The following ZNF567 variants were observed in gnomAD, a reference collection of about 807,000 sequenced individuals.
The protein encoded by ZNF567 is zinc finger protein 567.
Under a neutral mutation model 53.9 loss-of-function variants are expected in ZNF567, and 36 were observed. The ratio of observed to expected loss-of-function variants is 0.67; its 90% CI spans 0.51 to 0.88. The LOEUF is 0.88. ZNF567 is among the 40% of genes least tolerant of loss of function. The pLI, the probability that ZNF567 is intolerant of heterozygous loss-of-function variation, is 0.00. For missense variants in ZNF567, 619 were observed against 764.7 expected, an observed-to-expected ratio of 0.81 and a Z score of 2.25; for synonymous variants, 224 against 260.4, an observed-to-expected ratio of 0.86 and a Z score of 1.35.
chr19:36,691,768 A>AGCTGGT (rs1372200179), intron 2 of ZNF567, among the ~76,000 whole-genome samples: 1 of 152,130 alleles, frequency 6.6e-6, no homozygotes, highest in Non-Finnish European at 1.5e-5. Context: ...GCAATTAGTA[A>AGCTGGT]ACTGTAGCTG....
upstream of ZNF567, among the ~76,000 whole-genome samples, chr19:36,683,332 A>G (rs974878187): frequency 1.3e-5 from 2 of 152,074 alleles, no homozygotes; most frequent in African/African-American, 2.4e-5. Context: ...TCAGCCTCCG[A>G]AAGTGCTGGG....
rs2145917174 is a variant in ZNF567 at position 36,719,549 on chromosome 19, C to T, written c.825C>T (p.His275=). The change falls in exon 6 of 6, where the codon CAC becomes CAT. Residue 275 remains histidine, a synonymous_variant. Transcript: ENST00000682579. ...KSVLILHQGI[H]SEEKPYQCHQ... is the part of the protein sequence containing the mutation. ...TATTGATTCTGCATCAGGGAATTCA[C>T]TCAGAAGAAAAACCCTATCAATGTC... 1.9e-6 allele frequency: 3 copies of T among 1,614,050 alleles called. No individual in the cohort carries two copies. The highest frequency in any genetic ancestry group is 1.1e-5 in the South Asian group (1 of 91,066).
At chr19:36,707,110 AT>A (rs2039536178) in intron 3 of ZNF567, among the ~76,000 whole-genome samples, 1 of 152,104 alleles carries the variant, frequency 6.6e-6, no homozygotes, top group Non-Finnish European at 1.5e-5. Context: ...ATATAGTTGA[AT>A]TTAAATATGC....
downstream of ZNF567, among the ~76,000 whole-genome samples, chr19:36,723,998 G>C (rs999030843): frequency 4.6e-5 from 6 of 131,714 alleles, no homozygotes; most frequent in African/African-American, 1.7e-4. Context: ...TGGCAATTCT[G>C]TATTTCTTTT....
intron 2 of ZNF567, among the ~76,000 whole-genome samples, chr19:36,689,992 A>G (rs1437262382): frequency 6.6e-6 from 1 of 152,226 alleles, no homozygotes; most frequent in African/African-American, 2.4e-5. Context: ...TTTACACTCA[A>G]CAGCTCTATA....
At chr19:36,726,313 A>G (rs1005708671), downstream of ZNF567, among the ~76,000 whole-genome samples, 3 of 152,180 alleles carry the variant, frequency 2.0e-5, no homozygotes, top group African/African-American at 4.8e-5. Context: ...CCTGGTTACA[A>G]TTATTGAATT....
intron 3 of ZNF567, chr19:36,711,100 C>G (rs2039761641): frequency 6.6e-6 from 1 of 152,228 alleles, no homozygotes; most frequent in South Asian, 2.1e-4. Context: ...GTGACACAGT[C>G]TCTCTCTGTC....
Position 36,689,505 on chromosome 19 carries a change from A to C in ZNF567, c.-67+8A>C, listed in dbSNP as rs1029703104. ...ATACCACTATAATTTAGTGTAAGTC[A>C]TCTCTTACCTTCCAAGAGAACCTGC... On this transcript the variant is annotated splice_region_variant and intron_variant, in intron 2 of 5. Transcript: ENST00000682579. 1 of 152,088 alleles carries C rather than the reference A, an allele frequency of 6.6e-6. No homozygotes were observed. The highest frequency in any genetic ancestry group is 2.1e-4 in the South Asian group (1 of 4,820). 9.4% of individuals were successfully genotyped at this position (152,088 alleles called of 1,614,324 possible).
chr19:36,710,658 A>G (rs914434127), intron 3 of ZNF567, among the ~76,000 whole-genome samples: 3 of 152,066 alleles, frequency 2.0e-5, no homozygotes, highest in African/African-American at 4.8e-5. Flanking sequence ...TCTTGTGTTC[A>G]TCTGCTTTTC....
the ZNF567 span, among the ~76,000 whole-genome samples, chr19:36,680,404 G>A: frequency 6.6e-6 from 1 of 152,116 alleles, no homozygotes; most frequent in Non-Finnish European, 1.5e-5. Flanking sequence ...TCTAATGGCT[G>A]TATTTTTTAA....
intron 5 of ZNF567, among the ~76,000 whole-genome samples, chr19:36,714,142 A>ATTTATTTACTTATT (rs1199910877): frequency 1.3e-5 from 2 of 151,862 alleles, no homozygotes; most frequent in Non-Finnish European, 2.9e-5. Flanking sequence ...AGGTTTATTT[A>ATTTATTTACTTATT]TTTATTTACT....
intron 5 of ZNF567, 148 bp downstream of exon 5, chr19:36,713,015 A>G: frequency 1.6e-6 from 1 of 631,198 alleles, no homozygotes; most frequent in South Asian, 2.3e-5. Context: ...AAAACTCAAA[A>G]CCAGACCTTT....
chr19:36,672,455 A>C, the ZNF567 span, among the ~76,000 whole-genome samples: 1 of 152,196 alleles, frequency 6.6e-6, no homozygotes, highest in Non-Finnish European at 1.5e-5. Context: ...CATTCTGTGG[A>C]TATCAGTCAG....
chr19:36,673,971 CTTCTA>C, the ZNF567 span, among the ~76,000 whole-genome samples: 2 of 152,204 alleles, frequency 1.3e-5, no homozygotes, highest in African/African-American at 4.8e-5. Flanking sequence ...AACTTGACAC[CTTCTA>C]TTCTATATCC....
chr19:36,695,882 G>A (rs937274557), intron 3 of ZNF567, among the ~76,000 whole-genome samples: 6 of 152,064 alleles, frequency 3.9e-5, no homozygotes, highest in African/African-American at 1.4e-4. Context: ...AGTCAAGATG[G>A]TAGTGAAATT....
chr19:36,690,202 G>A lies in ZNF567; in HGVS notation c.-67+705G>A, dbSNP rs142006879. ...GGTGTGTGTGTATGTGGAAAGTATGGGGAAAAAGACTTATTTACAGTGGTC... is the reference window on the plus strand; with the variant it reads ...GGTGTGTGTGTATGTGGAAAGTATGAGGAAAAAGACTTATTTACAGTGGTC... On this transcript the variant is annotated intron_variant, in intron 2 of 5. Transcript: ENST00000682579. Among the ~76,000 whole-genome samples the A allele has an allele frequency of 1.6e-3, 237 of 152,248 alleles. 2 individuals are homozygous for A. The highest frequency in any genetic ancestry group is 5.5e-3 in the African/African-American group (230 of 41,544).
At chr19:36,674,366 T>A in the ZNF567 span, among the ~76,000 whole-genome samples, 1 of 152,162 alleles carries the variant, frequency 6.6e-6, no homozygotes, top group Admixed American at 6.5e-5. Context: ...GACAAAGACT[T>A]CTAGAGAAGT....
the ZNF567 span, among the ~76,000 whole-genome samples, chr19:36,679,271 G>T: frequency 6.6e-6 from 1 of 152,170 alleles, no homozygotes; most frequent in African/African-American, 2.4e-5. Context: ...GGGCGACAGC[G>T]CGAGACTCCA....
chr19:36,715,512 T>A (rs7253828), intron 5 of ZNF567, among the ~76,000 whole-genome samples: 1,601 of 34,926 alleles, frequency 0.046, 16 homozygotes, highest in Admixed American at 0.089. Context: ...TAATAATAAT[T>A]ATTATTATTA....
Sources: gnomAD v4.1 joint callset for allele counts (sites outside exome capture counted in the v4.1 genomes callset) on GRCh38, gnomAD v4.1.1 for gene constraint, MANE v1.5 for transcripts, NCBI Gene and HGNC (gene_info 2026-07-23, HGNC 2026-07-21) for gene names.